FNDC3B: variants seen among roughly 807,000 people sequenced by gnomAD.
FNDC3B encodes the protein fibronectin type III domain-containing protein 3B.
FNDC3B carries 12 observed loss-of-function variants against 151.5 expected under a neutral mutation model. The ratio of observed to expected loss-of-function variants is 0.08; its 90% CI spans 0.05 to 0.13. FNDC3B has a LOEUF of 0.13. FNDC3B is among the 10% of genes least tolerant of loss of function. The probability of loss-of-function intolerance (pLI) is 1.00; values close to 1 mark genes in which losing one functional copy is unlikely to be tolerated. For synonymous variants in FNDC3B, 528 were observed against 549.0 expected (o/e 0.96, Z 0.54); for missense variants, 1,214 against 1,505.3 (o/e 0.81, Z 3.20).
At chr3:172,269,877 G>C (rs1045248529) in intron 6 of FNDC3B, among the ~76,000 whole-genome samples, 11 of 152,108 alleles carry the variant, frequency 7.2e-5, no homozygotes, top group African/African-American at 2.7e-4. Context: ...TCGATCTCCT[G>C]ACCTCGTGAT....
chr3:172,311,541 A>C (rs1445164435), intron 11 of FNDC3B, among the ~76,000 whole-genome samples: 3 of 152,076 alleles, frequency 2.0e-5, no homozygotes, highest in Admixed American at 6.6e-5. Context: ...CTCAGGCAGG[A>C]AACACTTGAC....
intron 1 of FNDC3B, among the ~76,000 whole-genome samples, chr3:172,066,544 T>C (rs1717508431): frequency 6.6e-6 from 1 of 152,208 alleles, no homozygotes; most frequent in South Asian, 2.1e-4. Flanking sequence ...GAAATAAAGC[T>C]CATTTTCCTC....
At chr3:172,116,674 T>A (rs967456653) in intron 2 of FNDC3B, among the ~76,000 whole-genome samples, 2 of 152,168 alleles carry the variant, frequency 1.3e-5, no homozygotes, top group African/African-American at 2.4e-5. Flanking sequence ...CAAGCAATTC[T>A]CCTGCCTCAG....
intron 2 of FNDC3B, among the ~76,000 whole-genome samples, chr3:172,116,095 C>A (rs1720232217): frequency 6.6e-6 from 1 of 152,038 alleles, no homozygotes; most frequent in South Asian, 2.1e-4. Flanking sequence ...TGTCATTTTG[C>A]GCAGGTAGGA....
intron 6 of FNDC3B, among the ~76,000 whole-genome samples, chr3:172,265,881 G>A (rs1176827320): frequency 6.6e-6 from 1 of 152,218 alleles, no homozygotes; most frequent in Non-Finnish European, 1.5e-5. Context: ...CTGCCTTGTT[G>A]TGAGCAGATG....
intron 3 of FNDC3B, among the ~76,000 whole-genome samples, chr3:172,166,197 C>G (rs375821848): frequency 6.6e-6 from 1 of 152,152 alleles, no homozygotes; most frequent in Non-Finnish European, 1.5e-5. Flanking sequence ...TTGGGAAGGC[C>G]ACCATCTTAT....
At chr3:172,299,336 T>C (rs1730786690) in intron 9 of FNDC3B, among the ~76,000 whole-genome samples, 1 of 152,190 alleles carries the variant, frequency 6.6e-6, no homozygotes. Flanking sequence ...CTCCTGTGAT[T>C]TTCTGGAATC....
At chr3:172,121,911 G>C (rs1430191579) in intron 2 of FNDC3B, among the ~76,000 whole-genome samples, 1 of 152,086 alleles carries the variant, frequency 6.6e-6, no homozygotes, top group African/African-American at 2.4e-5. Flanking sequence ...AGATTAAATT[G>C]GATAGATTTC....
chr3:172,180,105 T>C (rs1283385806), intron 3 of FNDC3B, among the ~76,000 whole-genome samples: 1 of 152,200 alleles, frequency 6.6e-6, no homozygotes, highest in Non-Finnish European at 1.5e-5. Flanking sequence ...TACCTTGGAC[T>C]TAGTGGGGTC....
intron 6 of FNDC3B, among the ~76,000 whole-genome samples, chr3:172,281,970 T>C (rs1729752510): frequency 1.3e-5 from 2 of 149,918 alleles, no homozygotes; most frequent in African/African-American, 5.0e-5. Flanking sequence ...AACTCTGACA[T>C]ACACTCTTTG....
chr3:172,287,393 G>T (rs1477028581), intron 7 of FNDC3B, among the ~76,000 whole-genome samples: 1 of 152,152 alleles, frequency 6.6e-6, no homozygotes, highest in Non-Finnish European at 1.5e-5. Context: ...GAGCGAGGAG[G>T]AACAAGATAC....
chr3:172,093,151 G>A (rs572647904), intron 1 of FNDC3B, among the ~76,000 whole-genome samples: 1 of 151,418 alleles, frequency 6.6e-6, no homozygotes, highest in Non-Finnish European at 1.5e-5. Flanking sequence ...TTGTCGCTCT[G>A]TTGCTCAGGG....
intron 6 of FNDC3B, among the ~76,000 whole-genome samples, chr3:172,262,283 T>G (rs1728685507): frequency 6.6e-6 from 1 of 152,246 alleles, no homozygotes; most frequent in African/African-American, 2.4e-5. Context: ...AAAGCCTTTT[T>G]GCCCTGTTGT....
chr3:172,239,511 C>G (rs1727356423), intron 4 of FNDC3B, among the ~76,000 whole-genome samples: 1 of 152,154 alleles, frequency 6.6e-6, no homozygotes, highest in Non-Finnish European at 1.5e-5. Context: ...AAACTGGCTG[C>G]CAGCACATCA....
At chr3:172,290,461 TAGCC>T (rs1041180916) in intron 7 of FNDC3B, among the ~76,000 whole-genome samples, 32 of 152,292 alleles carry the variant, frequency 2.1e-4, no homozygotes, top group African/African-American at 7.2e-4. Context: ...GCTTAGGAAT[TAGCC>T]AGCCATCTCG....
At chr3:172,212,280 G>A (rs987901937) in intron 3 of FNDC3B, among the ~76,000 whole-genome samples, 5 of 152,144 alleles carry the variant, frequency 3.3e-5, no homozygotes, top group African/African-American at 1.2e-4. Flanking sequence ...TTTAAACATT[G>A]TGATGAAATT....
intron 1 of FNDC3B, among the ~76,000 whole-genome samples, chr3:172,050,305 T>C (rs1187298027): frequency 6.6e-6 from 1 of 152,212 alleles, no homozygotes; most frequent in African/African-American, 2.4e-5. Flanking sequence ...ATGTTTACCA[T>C]TCATTCCAGA....
rs1727854642 is a variant in FNDC3B, at chr3:172,247,754, C to T, written c.486C>T (p.Pro162=). The T allele has an allele frequency of 1.2e-6, 2 of 1,614,010 alleles. No homozygotes were observed. The highest frequency in any genetic ancestry group is 4.5e-5 in the East Asian group (2 of 44,892). ...PPQFFPQHHL[P]HTIYGEQEII... is the part of the protein sequence containing the mutation. ...AGTTTTTTCCCCAGCATCATCTTCC[C>T]CACACAATATATGGTGAGCAAGGTG... Residue 162 remains proline, a synonymous_variant, in exon 5 of 26, where the codon CCC becomes CCT. Transcript: ENST00000415807.
intron 3 of FNDC3B, among the ~76,000 whole-genome samples, chr3:172,174,379 A>G (rs538788427): frequency 1.3e-5 from 2 of 152,346 alleles, no homozygotes; most frequent in African/African-American, 4.8e-5. Context: ...GTTTACAAGA[A>G]GTCTGACATA....
Sources: gnomAD v4.1 joint callset for allele counts (sites outside exome capture counted in the v4.1 genomes callset) on GRCh38, gnomAD v4.1.1 for gene constraint, MANE v1.5 for transcripts, NCBI Gene and HGNC (gene_info 2026-07-23, HGNC 2026-07-21) for gene names.